CNTNAP3B: variants seen among roughly 807,000 people sequenced by gnomAD.
CNTNAP3B encodes the protein contactin associated protein family member 3B, also known as contactin-associated protein-like 3B.
CNTNAP3B carries 25 observed loss-of-function variants against 108.9 expected under a neutral mutation model. The ratio of observed to expected loss-of-function variants is 0.23; its 90% CI spans 0.17 to 0.32. The LOEUF (loss-of-function observed/expected upper bound fraction) is 0.32. Among genes scored for constraint, CNTNAP3B ranks in the 10% least tolerant of loss-of-function variants. CNTNAP3B has a pLI of 1.00. For missense variants in CNTNAP3B, 252 were observed against 1,210.4 expected, an observed-to-expected ratio of 0.21 and a Z score of 11.75; for synonymous variants, 103 against 473.4, an observed-to-expected ratio of 0.22 and a Z score of 10.16.
chr9:42,073,211 G>A (rs1326586405), intron 3 of CNTNAP3B, among the ~76,000 whole-genome samples: 1 of 85,312 alleles, frequency 1.2e-5, no homozygotes, highest in Non-Finnish European at 2.2e-5. Context: ...TATAAGACTG[G>A]AGAATGCATT....
intron 15 of CNTNAP3B, among the ~76,000 whole-genome samples, chr9:41,924,690 C>CAG (rs1823764692): frequency 1.6e-4 from 24 of 149,142 alleles, no homozygotes; most frequent in East Asian, 3.9e-4. Context: ...CACACACACA[C>CAG]AGTCTTAATT....
At position 42,042,233 on chromosome 9, in the gene CNTNAP3B, T is replaced by TA. The variant is rs534211734; in HGVS notation, c.391-28709dup. 9.7e-3 allele frequency among the ~76,000 whole-genome samples: 850 copies of TA among 87,884 alleles called. 276 individuals carry two copies. Among genetic ancestry groups the TA allele is most frequent in the African/African-American group, 0.033 (791 of 24,030 alleles). 57.7% of individuals were successfully genotyped at this position (87,884 alleles called of 152,430 possible). A position where few individuals can be genotyped will look rare whatever the true frequency, so the allele number is the denominator to read the frequency against. On this transcript the variant is annotated intron_variant, in intron 3 of 23. Coordinates refer to ENST00000377561, the MANE Select transcript of CNTNAP3B (RefSeq NM_001201380.3). ...TGTACCCTAGAACTTGAAGTATATA[T>TA]AAAAAAAAGATCTGCATAGTTTTGG...
rs1826412108 is a variant in CNTNAP3B, at chr9:42,026,566, CG to C, written c.391-13042del. Among the ~76,000 whole-genome samples, 3 of 92,120 alleles carry C rather than the reference CG, an allele frequency of 3.3e-5. No homozygotes were observed. In the South Asian group the frequency reaches 1.0e-3, roughly 31 times the overall value. 60.4% of individuals were successfully genotyped at this position (92,120 alleles called of 152,430 possible). A position where few individuals can be genotyped will look rare whatever the true frequency, so the allele number is the denominator to read the frequency against. On this transcript the variant is annotated intron_variant, in intron 3 of 23. Coordinates refer to ENST00000377561, the MANE Select transcript of CNTNAP3B (RefSeq NM_001201380.3). Reference sequence around the variant, plus strand: ...GGCTCCACGGCACGGCACTCCAGCCCGGGCGACAGAGTGAGCCTCCGTCTCA... The same window carrying C: ...GGCTCCACGGCACGGCACTCCAGCCCGGCGACAGAGTGAGCCTCCGTCTCA...
Position 41,973,711 on chromosome 9 carries a change from C to T in CNTNAP3B, c.1478-3466G>A, listed in dbSNP as rs1384324809. Among the ~76,000 whole-genome samples the T allele has an allele frequency of 3.6e-5, 5 of 139,752 alleles. 1 individual carries two copies. The highest frequency in any genetic ancestry group is 3.6e-4 in the Admixed American group (5 of 14,084). The allele number at this position is 139,752 out of a possible 152,430, so 91.7% of individuals were successfully genotyped here. A position where few individuals can be genotyped will look rare whatever the true frequency, so the allele number is the denominator to read the frequency against. The stretch of plus-strand genomic sequence containing the variant: ...AATGCAAAAAACTGCAGGCTATATG[C>T]ACAACCTGCAACCGTACAGAGTGCT... On this transcript the variant is annotated intron_variant, in intron 9 of 23. Transcript: ENST00000377561.
intron 10 of CNTNAP3B, among the ~76,000 whole-genome samples, chr9:41,966,935 C>T (rs1191571170): frequency 1.3e-5 from 2 of 150,490 alleles, no homozygotes; most frequent in East Asian, 3.9e-4. Context: ...CCACTGCACT[C>T]CAGCCTGGGC....
chr9:42,002,913 G>T (rs545702861), intron 4 of CNTNAP3B, among the ~76,000 whole-genome samples: 1 of 129,264 alleles, frequency 7.7e-6, no homozygotes, highest in South Asian at 2.6e-4. Context: ...TAGAAACAGA[G>T]ACTCACTCCG....
At chr9:41,932,511 T>A (rs184317219) in intron 14 of CNTNAP3B, among the ~76,000 whole-genome samples, 123 of 146,876 alleles carry the variant, frequency 8.4e-4, no homozygotes, top group African/African-American at 2.9e-3. Context: ...TTTTTAACTT[T>A]TTTTTCTTCT....
chr9:41,924,409 C>G (rs1432501602), intron 15 of CNTNAP3B, among the ~76,000 whole-genome samples: 1 of 152,306 alleles, frequency 6.6e-6, no homozygotes, highest in African/African-American at 2.4e-5. Flanking sequence ...GTACGACCAA[C>G]AGAACTTACT....
chr9:42,079,921 C>G (rs1026401648), intron 2 of CNTNAP3B, among the ~76,000 whole-genome samples: 1 of 132,272 alleles, frequency 7.6e-6, no homozygotes, highest in Non-Finnish European at 1.6e-5. Flanking sequence ...ATTTTATACA[C>G]AGAGCTGAAA....
intron 10 of CNTNAP3B, among the ~76,000 whole-genome samples, chr9:41,968,874 G>A (rs1825359329): frequency 6.6e-6 from 1 of 150,714 alleles, no homozygotes; most frequent in African/African-American, 2.5e-5. Flanking sequence ...CTCATTCACT[G>A]CAAGCTCCGC....
chr9:41,930,855 A>T (rs1331220643), intron 14 of CNTNAP3B, among the ~76,000 whole-genome samples: 1 of 152,218 alleles, frequency 6.6e-6, no homozygotes, highest in African/African-American at 2.4e-5. Flanking sequence ...AAAGTATTTT[A>T]TTATATATGT....
chr9:42,019,643 C>A (rs1826273022), intron 3 of CNTNAP3B, among the ~76,000 whole-genome samples: 1 of 149,496 alleles, frequency 6.7e-6, no homozygotes, highest in Non-Finnish European at 1.5e-5. Flanking sequence ...CCCCTGTAGT[C>A]CCAGCTACTC....
chr9:42,061,470 A>T lies in CNTNAP3B; in HGVS notation c.390+15399T>A, dbSNP rs1347066427. On this transcript the variant is annotated intron_variant, in intron 3 of 23. Transcript: ENST00000377561. ...GTAGCTGGGACAGCAGGCGAGCACC[A>T]TGCCCAGCTAATTTTTGTATTTTAG... 1.6e-4 allele frequency among the ~76,000 whole-genome samples: 22 copies of T among 133,896 alleles called. 3 individuals are homozygous for T. Among genetic ancestry groups the T allele is most frequent in the African/African-American group, 6.6e-4 (22 of 33,174 alleles). The allele number at this position is 133,896 out of a possible 152,430, so 87.8% of individuals were successfully genotyped here.
intron 15 of CNTNAP3B, among the ~76,000 whole-genome samples, chr9:41,928,316 A>T (rs1379455781): frequency 6.6e-6 from 1 of 152,106 alleles, no homozygotes; most frequent in Non-Finnish European, 1.5e-5. Context: ...ACAGGGCAAC[A>T]CAATCCATTG....
chr9:42,004,848 A>C (rs1564172830), intron 4 of CNTNAP3B, among the ~76,000 whole-genome samples: 1 of 108,674 alleles, frequency 9.2e-6, no homozygotes, highest in Admixed American at 9.9e-5. Flanking sequence ...ATGAATACAC[A>C]AAGCTTTCCT....
chr9:42,041,600 GA>G, intron 3 of CNTNAP3B, among the ~76,000 whole-genome samples: 1 of 144,726 alleles, frequency 6.9e-6, no homozygotes, highest in Non-Finnish European at 1.5e-5. Context: ...AGGTGCTGGA[GA>G]GGATGTGGAG....
Position 41,934,124 on chromosome 9 carries a change from C to CACACATATATAT in CNTNAP3B, c.2237+4119_2237+4120insATATATATGTGT, listed in dbSNP as rs1824074300. 4.7e-5 allele frequency among the ~76,000 whole-genome samples: 5 copies of CACACATATATAT among 105,670 alleles called. No homozygotes were observed. The Admixed American group carries it at 4.9e-4, about 10-fold the overall frequency. The allele number at this position is 105,670 out of a possible 152,430, so 69.3% of individuals were successfully genotyped here. On this transcript the variant is annotated intron_variant, in intron 14 of 23. Coordinates refer to ENST00000377561, the MANE Select transcript of CNTNAP3B (RefSeq NM_001201380.3). ...ACATATATATATATATATATATATA[C>CACACATATATAT]ACACACATATATATATACACACACA...
chr9:42,053,834 T>C (rs1386024473), intron 3 of CNTNAP3B, among the ~76,000 whole-genome samples: 1 of 144,098 alleles, frequency 6.9e-6, no homozygotes, highest in Non-Finnish European at 1.5e-5. Context: ...AGCAGGCTGC[T>C]CCAACAGCAA....
intron 12 of CNTNAP3B, chr9:41,960,350 TG>T (rs1369844891): frequency 1.2e-5 from 2 of 172,450 alleles, no homozygotes; most frequent in African/African-American, 4.9e-5. Flanking sequence ...CAAGTTTCTT[TG>T]GTTATGAAAA....
Sources: gnomAD v4.1 joint callset for allele counts (sites outside exome capture counted in the v4.1 genomes callset) on GRCh38, gnomAD v4.1.1 for gene constraint, MANE v1.5 for transcripts, NCBI Gene and HGNC (gene_info 2026-07-23, HGNC 2026-07-21) for gene names.